GABRB2: variants seen among roughly 807,000 people sequenced by gnomAD.
The protein encoded by GABRB2 is gamma-aminobutyric acid receptor subunit beta-2.
Under a neutral mutation model 54.7 loss-of-function variants are expected in GABRB2, and 16 were observed. The observed-to-expected ratio is 0.29, with a 90% CI of 0.20 to 0.44. The LOEUF is 0.44. Among genes scored for constraint, GABRB2 ranks in the 20% least tolerant of loss-of-function variants. The pLI, the probability that GABRB2 is intolerant of heterozygous loss-of-function variation, is 1.00. For synonymous variants in GABRB2, 244 were observed against 233.8 expected (o/e 1.04, Z -0.40); for missense variants, 355 against 644.0 (o/e 0.55, Z 4.86).
At chr5:161,358,837 G>C (rs948572964) in intron 5 of GABRB2, among the ~76,000 whole-genome samples, 22 of 152,176 alleles carry the variant, frequency 1.4e-4, no homozygotes, top group Admixed American at 1.4e-3. Context: ...TAAGGACAGA[G>C]GGAGAATGAA....
intron 4 of GABRB2, among the ~76,000 whole-genome samples, chr5:161,455,552 A>G (rs1438407048): frequency 7.0e-6 from 1 of 142,886 alleles, no homozygotes; most frequent in Non-Finnish European, 1.5e-5. Flanking sequence ...TTTTTTTGAG[A>G]CAGGGTACGG....
chr5:161,493,204 A>G (rs1292735451), intron 3 of GABRB2, among the ~76,000 whole-genome samples: 3 of 151,750 alleles, frequency 2.0e-5, no homozygotes, highest in Admixed American at 2.0e-4. Flanking sequence ...TTATTATTCT[A>G]ATTTATAATT....
chr5:161,385,586 A>G (rs1426107278), intron 5 of GABRB2, among the ~76,000 whole-genome samples: 1 of 152,194 alleles, frequency 6.6e-6, no homozygotes, highest in Non-Finnish European at 1.5e-5. Flanking sequence ...GAATCACTAT[A>G]TTCATAAAAT....
intron 4 of GABRB2, among the ~76,000 whole-genome samples, chr5:161,425,270 C>A (rs999162110): frequency 6.6e-6 from 1 of 152,134 alleles, no homozygotes; most frequent in Non-Finnish European, 1.5e-5. Context: ...AAAATGCTAT[C>A]AAGCAGCAAA....
rs536620924 is a variant in GABRB2 at position 161,464,909 on chromosome 5, A to C, written c.238-5065T>G. On this transcript the variant is annotated intron_variant, in intron 3 of 9. Coordinates refer to ENST00000393959, the MANE Select transcript of GABRB2 (RefSeq NM_001371727.1). Reference sequence around the variant, plus strand: ...TCAAGATGGGGGAGCAGTTGACCTCAAAGGGCAAGCATGAGAGACTGATTT... The same window carrying C: ...TCAAGATGGGGGAGCAGTTGACCTCCAAGGGCAAGCATGAGAGACTGATTT... Among the ~76,000 whole-genome samples, 77 of 152,204 alleles carry C rather than the reference A, an allele frequency of 5.1e-4. 1 individual carries two copies. The highest frequency in any genetic ancestry group is 1.8e-3 in the African/African-American group (74 of 41,540).
At chr5:161,443,052 C>T (rs1249203149) in intron 4 of GABRB2, among the ~76,000 whole-genome samples, 3 of 152,202 alleles carry the variant, frequency 2.0e-5, no homozygotes, top group Admixed American at 6.5e-5. Context: ...TTCTCCTGAA[C>T]ATAAAATTGT....
chr5:161,476,031 T>G (rs979569018), intron 3 of GABRB2, among the ~76,000 whole-genome samples: 5 of 152,004 alleles, frequency 3.3e-5, no homozygotes, highest in African/African-American at 1.2e-4. Flanking sequence ...TAATCCAATA[T>G]GTAGAAAATC....
At chr5:161,450,442 G>T (rs532524589) in intron 4 of GABRB2, among the ~76,000 whole-genome samples, 1 of 152,138 alleles carries the variant, frequency 6.6e-6, no homozygotes, top group Non-Finnish European at 1.5e-5. Flanking sequence ...TCCTAGGGTT[G>T]CTAAATACAA....
chr5:161,459,290 A>G, intron 4 of GABRB2: 1 of 306,332 alleles, frequency 3.3e-6, no homozygotes, highest in Non-Finnish European at 6.2e-6. Context: ...CCCATATTCA[A>G]ACAATTAGTT....
intron 5 of GABRB2, among the ~76,000 whole-genome samples, chr5:161,357,301 A>G (rs1754661528): frequency 6.6e-6 from 1 of 152,132 alleles, no homozygotes; most frequent in African/African-American, 2.4e-5. Context: ...TCCGAGGTAG[A>G]GAGGGCAGCC....
chr5:161,522,746 C>T (rs151015631), intron 3 of GABRB2, among the ~76,000 whole-genome samples: 50 of 151,612 alleles, frequency 3.3e-4, no homozygotes, highest in African/African-American at 9.9e-4. Flanking sequence ...GTAGGTGTAT[C>T]AGGTTTAAAA....
chr5:161,508,624 A>G (rs989483965), intron 3 of GABRB2, among the ~76,000 whole-genome samples: 3 of 152,020 alleles, frequency 2.0e-5, no homozygotes, highest in African/African-American at 7.2e-5. Context: ...TACATTCATA[A>G]TAAGGAAAAT....
chr5:161,448,072 GAAATTA>G (rs1330315253), intron 4 of GABRB2, among the ~76,000 whole-genome samples: 1 of 152,126 alleles, frequency 6.6e-6, no homozygotes. Flanking sequence ...GTGCAGCCTT[GAAATTA>G]AAATGTACAG....
At chr5:161,424,825 C>A (rs1756951625) in intron 4 of GABRB2, among the ~76,000 whole-genome samples, 1 of 152,034 alleles carries the variant, frequency 6.6e-6, no homozygotes, top group African/African-American at 2.4e-5. Flanking sequence ...AAATTGAAAA[C>A]CTGGAAAGAA....
intron 3 of GABRB2, among the ~76,000 whole-genome samples, chr5:161,540,775 G>A (rs1760785455): frequency 1.3e-5 from 2 of 152,014 alleles, no homozygotes; most frequent in Non-Finnish European, 2.9e-5. Context: ...TGTGTGACTA[G>A]GTGCATTGTC....
At chr5:161,342,362 T>C (rs1268810487) in intron 5 of GABRB2, among the ~76,000 whole-genome samples, 1 of 152,034 alleles carries the variant, frequency 6.6e-6, no homozygotes, top group African/African-American at 2.4e-5. Context: ...ATAGTTACTA[T>C]TATTAGTCTG....
intron 4 of GABRB2, among the ~76,000 whole-genome samples, chr5:161,452,301 A>G (rs2113240016): frequency 6.6e-6 from 1 of 152,350 alleles, no homozygotes; most frequent in Non-Finnish European, 1.5e-5. Flanking sequence ...ATACATTAAC[A>G]AAGTCACAGA....
chr5:161,363,250 C>A (rs1186223765), intron 5 of GABRB2, among the ~76,000 whole-genome samples: 2 of 152,022 alleles, frequency 1.3e-5, no homozygotes, highest in Non-Finnish European at 2.9e-5. Flanking sequence ...AAGCTGGAAA[C>A]CATCATTTTC....
At chr5:161,406,509 C>T (rs775069084) in intron 5 of GABRB2, among the ~76,000 whole-genome samples, 18 of 151,912 alleles carry the variant, frequency 1.2e-4, no homozygotes, top group Non-Finnish European at 2.5e-4. Context: ...ACCACCAAAA[C>T]TGGGATTATT....
Sources: allele counts gnomAD v4.1 joint callset (sites outside exome capture counted in the v4.1 genomes callset), GRCh38; gene constraint gnomAD v4.1.1; transcripts MANE v1.5; gene names NCBI Gene and HGNC (gene_info 2026-07-23, HGNC 2026-07-21).